The following PHLDB2 variants were observed in gnomAD, a reference collection of about 807,000 sequenced individuals.
The protein encoded by PHLDB2 is pleckstrin homology like domain family B member 2.
A neutral mutation model predicts 123.6 loss-of-function variants in PHLDB2; 71 were observed. The observed-to-expected ratio is 0.57, with a 90% CI of 0.47 to 0.70. The LOEUF is 0.70. Among genes scored for constraint, PHLDB2 ranks in the 30% least tolerant of loss-of-function variants. The pLI is 0.00. For missense variants in PHLDB2, 1,446 were observed against 1,519.5 expected, an observed-to-expected ratio of 0.95 and a Z score of 0.80; for synonymous variants, 547 against 541.6, an observed-to-expected ratio of 1.01 and a Z score of -0.14.
intron 1 of PHLDB2, among the ~76,000 whole-genome samples, chr3:111,734,196 G>T (rs1181261012): frequency 6.6e-6 from 1 of 152,228 alleles, no homozygotes; most frequent in African/African-American, 2.4e-5. Context: ...AATGTTAAGT[G>T]TGAATCTGGC....
intron 2 of PHLDB2, among the ~76,000 whole-genome samples, chr3:111,853,527 G>A (rs996125514): frequency 6.6e-6 from 1 of 152,092 alleles, no homozygotes; most frequent in Admixed American, 6.6e-5. Flanking sequence ...TGTTCTTTTT[G>A]TGCTGTCTGT....
At chr3:111,756,594 C>T (rs1005128886) in intron 1 of PHLDB2, among the ~76,000 whole-genome samples, 1 of 152,152 alleles carries the variant, frequency 6.6e-6, no homozygotes, top group Non-Finnish European at 1.5e-5. Flanking sequence ...GGTCTTGACT[C>T]TTTATCCAAT....
At chr3:111,871,920 T>C (rs1426160288) in intron 1 of PHLDB2, among the ~76,000 whole-genome samples, 1 of 152,234 alleles carries the variant, frequency 6.6e-6, no homozygotes, top group Non-Finnish European at 1.5e-5. Flanking sequence ...TCAGGTAATT[T>C]TATTTTCCAG....
At chr3:111,732,924 C>T (rs12632310) in intron 1 of PHLDB2, among the ~76,000 whole-genome samples, 38,297 of 151,902 alleles carry the variant, frequency 0.25, 5,004 homozygotes, top group East Asian at 0.4. Context: ...TGCTCCTGTA[C>T]GTATTTCAGA....
chr3:111,884,355 A>G lies in PHLDB2; in HGVS notation c.278A>G (p.Gln93Arg), dbSNP rs763190327. ...TTAGCCAAAATCCAGGGAAGCAAGC[A>G]GTTCTCTTATGATGGAACTGACAAA... is the stretch of plus-strand genomic sequence containing the variant. The part of the protein sequence containing the change: ...PSLAKIQGSK[Q>R]FSYDGTDKNI... The change falls in exon 2 of 18, where the codon CAG (glutamine) becomes CGG (arginine). Residue 93 changes from glutamine to arginine, a missense_variant. By Grantham distance (43) the Gln-to-Arg change is conservative. Coordinates refer to ENST00000431670, the MANE Select transcript of PHLDB2 (RefSeq NM_001134438.2). The G allele has an allele frequency of 9.3e-6, 15 of 1,614,222 alleles. No individual in the cohort carries two copies. In the East Asian group the frequency reaches 3.3e-4, roughly 36 times the overall value.
Position 111,884,783 on chromosome 3 carries a change from T to G in PHLDB2, c.706T>G (p.Leu236Val), listed in dbSNP as rs199879632. The G allele has an allele frequency of 1.9e-6, 3 of 1,613,780 alleles. No individual in the cohort carries two copies. The highest frequency in any genetic ancestry group is 2.5e-6 in the Non-Finnish European group (3 of 1,179,998). Reference protein sequence around the residue: ...HKELASENINLRTRKYSSSSL... With the variant: ...HKELASENINVRTRKYSSSSL... ...GGAGCTTGCATCTGAAAACATCAAT[T>G]TGAGAACTAGGAAGTACTCCAGCAG... Residue 236 changes from leucine to valine, a missense_variant, in exon 2 of 18, where the codon TTG (leucine) becomes GTG (valine). Transcript: ENST00000431670.
chr3:111,927,502 C>T (rs528679449), intron 5 of PHLDB2, among the ~76,000 whole-genome samples: 1 of 152,304 alleles, frequency 6.6e-6, no homozygotes, highest in African/African-American at 2.4e-5. Flanking sequence ...GGGTTCTGTG[C>T]TAAACAGTTT....
At chr3:111,784,921 T>C (rs542255669) in intron 1 of PHLDB2, among the ~76,000 whole-genome samples, 1 of 152,280 alleles carries the variant, frequency 6.6e-6, no homozygotes, top group South Asian at 2.1e-4. Flanking sequence ...AGTGCTATGA[T>C]AAGACTCTTT....
intron 1 of PHLDB2, among the ~76,000 whole-genome samples, chr3:111,779,403 C>T (rs995706206): frequency 6.6e-6 from 1 of 151,964 alleles, no homozygotes; most frequent in African/African-American, 2.4e-5. Flanking sequence ...CCTTGCCCCC[C>T]TCCTCCCTCT....
chr3:111,920,818 G>T (rs546320407), intron 5 of PHLDB2, among the ~76,000 whole-genome samples: 8 of 152,182 alleles, frequency 5.3e-5, no homozygotes, highest in Non-Finnish European at 8.8e-5. Context: ...ATTCAAATAG[G>T]GTTGCCTCAT....
intron 1 of PHLDB2, among the ~76,000 whole-genome samples, chr3:111,762,607 C>T (rs78875548): frequency 5.9e-5 from 9 of 152,240 alleles, no homozygotes; most frequent in East Asian, 1.9e-4. Context: ...TGGCCACACT[C>T]GTCAGGATTA....
chr3:111,806,004 A>G (rs1246423020), intron 1 of PHLDB2, among the ~76,000 whole-genome samples: 1 of 148,850 alleles, frequency 6.7e-6, no homozygotes, highest in African/African-American at 2.5e-5. Context: ...AAGAGTTATC[A>G]ATTGGATACT....
chr3:111,971,772 C>T (rs1227535299), intron 16 of PHLDB2, among the ~76,000 whole-genome samples: 2 of 152,212 alleles, frequency 1.3e-5, no homozygotes, highest in South Asian at 2.1e-4. Context: ...GGGAAATGGC[C>T]GTGTACTTGT....
At chr3:111,898,714 A>G (rs4516579) in intron 2 of PHLDB2, among the ~76,000 whole-genome samples, 25,694 of 152,150 alleles carry the variant, frequency 0.17, 2,298 homozygotes, top group Admixed American at 0.21. Context: ...CAGCACCTTT[A>G]CCAGGAGTAG....
At chr3:111,774,408 T>G (rs2060230916) in intron 1 of PHLDB2, among the ~76,000 whole-genome samples, 1 of 152,184 alleles carries the variant, frequency 6.6e-6, no homozygotes, top group African/African-American at 2.4e-5. Context: ...TAATGTATGC[T>G]CTATCTCCTG....
intron 1 of PHLDB2, among the ~76,000 whole-genome samples, chr3:111,878,180 G>A (rs116099543): frequency 0.024 from 3,691 of 152,132 alleles, 158 homozygotes; most frequent in African/African-American, 0.082. Context: ...ATTCCTATCC[G>A]TTAGCATGGG....
chr3:111,954,339 G>T (rs775077766), intron 12 of PHLDB2, among the ~76,000 whole-genome samples: 1 of 152,278 alleles, frequency 6.6e-6, no homozygotes, highest in East Asian at 1.9e-4. Flanking sequence ...GAGATCCAAG[G>T]AGATTACCAG....
intron 5 of PHLDB2, among the ~76,000 whole-genome samples, chr3:111,929,680 C>G (rs906561206): frequency 3.9e-5 from 6 of 152,072 alleles, no homozygotes; most frequent in Non-Finnish European, 7.4e-5. Context: ...ATAGCCAGGC[C>G]CACCTGCCAC....
intron 1 of PHLDB2, among the ~76,000 whole-genome samples, chr3:111,742,652 A>G (rs2107931784): frequency 6.6e-6 from 1 of 152,268 alleles, no homozygotes; most frequent in East Asian, 1.9e-4. Flanking sequence ...GTCCTTTTTT[A>G]TGGCTGCATA....
Sources: allele counts gnomAD v4.1 joint callset (sites outside exome capture counted in the v4.1 genomes callset), GRCh38; gene constraint gnomAD v4.1.1; transcripts MANE v1.5; gene names NCBI Gene and HGNC (gene_info 2026-07-23, HGNC 2026-07-21).